Variants in SORCS2 observed in about 807,000 individuals in gnomAD.
SORCS2 encodes the protein VPS10 domain-containing receptor SorCS2.
In SORCS2, 100 loss-of-function variants were observed where a neutral mutation model predicts 141.6. That is an observed-to-expected ratio of 0.71 (90% confidence interval 0.60 to 0.83). The LOEUF (loss-of-function observed/expected upper bound fraction) is 0.83, where lower values mean the gene tolerates loss of function less well. Ranked by LOEUF, SORCS2 falls within the 40% of genes least tolerant of loss-of-function variation. SORCS2 has a pLI of 0.00. For synonymous variants in SORCS2, 789 were observed against 676.9 expected (o/e 1.17, Z -2.57); for missense variants, 1,646 against 1,560.2 (o/e 1.05, Z -0.93).
chr4:7,640,867 C>CTT (rs1198159794), intron 4 of SORCS2, among the ~76,000 whole-genome samples: 1 of 152,062 alleles, frequency 6.6e-6, no homozygotes, highest in African/African-American at 2.4e-5. Context: ...GCACATGCCT[C>CTT]TTTCTCTCTC....
At chr4:7,308,545 A>C (rs1717981626) in intron 1 of SORCS2, among the ~76,000 whole-genome samples, 1 of 152,128 alleles carries the variant, frequency 6.6e-6, no homozygotes, top group African/African-American at 2.4e-5. Flanking sequence ...TACACTGAGC[A>C]CTGGTGGGTT....
At position 7,648,045 on chromosome 4, in the gene SORCS2, T is replaced by TG. The variant is rs1241475126; in HGVS notation, c.814-6085dup. 6.6e-6 allele frequency among the ~76,000 whole-genome samples: 1 copy of TG among 151,246 alleles called. No homozygotes were observed. The highest frequency in any genetic ancestry group is 1.5e-5 in the Non-Finnish European group (1 of 67,856). On this transcript the variant is annotated intron_variant, in intron 4 of 26. Transcript: ENST00000507866. The surrounding 1 kb of genome is among the most constrained non-coding windows in gnomAD (Gnocchi z 4.2). ...GAGCAGCCGAGGTGGAGTGGGGAAG[T>TG]GGGGTGGCCTGAGATGGAATGGGGT...
intron 3 of SORCS2, among the ~76,000 whole-genome samples, chr4:7,624,244 C>A (rs981815976): frequency 6.6e-6 from 1 of 152,126 alleles, no homozygotes; most frequent in African/African-American, 2.4e-5. Flanking sequence ...TGTAGCTTCC[C>A]CACCCAACTC....
At chr4:7,689,620 G>A (rs376326770) in intron 11 of SORCS2, 32 bp downstream of exon 11, 12 of 1,546,574 alleles carry the variant, frequency 7.8e-6, no homozygotes, top group Non-Finnish European at 9.6e-6. Flanking sequence ...TGGCTGGCAG[G>A]TGCCATTACA....
At chr4:7,731,690 C>T (rs1350768193) in intron 23 of SORCS2, among the ~76,000 whole-genome samples, 1 of 152,134 alleles carries the variant, frequency 6.6e-6, no homozygotes, top group Admixed American at 6.5e-5. Context: ...TTCAATAAAG[C>T]TGTCAAGAAG....
chr4:7,701,330 AT>A (rs901329886), intron 12 of SORCS2, among the ~76,000 whole-genome samples: 8 of 152,070 alleles, frequency 5.3e-5, no homozygotes, highest in Non-Finnish European at 4.4e-5. Flanking sequence ...ACCCTCCATC[AT>A]TTTTCATAAG....
chr4:7,740,380 C>CTGGTGTGGCGACG lies in SORCS2; in HGVS notation c.*116_*117insTGGTGTGGCGACG. 1.1e-6 allele frequency: 1 copy of CTGGTGTGGCGACG among 930,140 alleles called. No individual in the cohort carries two copies. The highest frequency in any genetic ancestry group is 1.7e-6 in the Non-Finnish European group (1 of 601,326). The allele number at this position is 930,140 out of a possible 1,614,324, so 57.6% of individuals were successfully genotyped here. A position where few individuals can be genotyped will look rare whatever the true frequency, so the allele number is the denominator to read the frequency against. On this transcript the variant is annotated 3_prime_UTR_variant, in exon 27 of 27. Coordinates refer to ENST00000507866, the MANE Select transcript of SORCS2 (RefSeq NM_020777.3). ...GAAAGCCCCCTCCCTGAGTCGTCGC[C>CTGGTGTGGCGACG]ACACCAGGCGACAGGCACCACCCCC...
chr4:7,597,411 A>G (rs1717346787), intron 3 of SORCS2, among the ~76,000 whole-genome samples: 1 of 145,810 alleles, frequency 6.9e-6, no homozygotes, highest in South Asian at 2.3e-4. Flanking sequence ...GGGCTGTTGC[A>G]ATAGGAGAGG....
intron 1 of SORCS2, among the ~76,000 whole-genome samples, chr4:7,227,923 C>G (rs115642535): frequency 0.019 from 2,835 of 152,258 alleles, 96 homozygotes; most frequent in African/African-American, 0.065. Flanking sequence ...CCTGCTTTCT[C>G]CTTCTCTGGG....
chr4:7,469,843 T>C (rs1729861466), intron 2 of SORCS2, among the ~76,000 whole-genome samples: 1 of 152,194 alleles, frequency 6.6e-6, no homozygotes, highest in African/African-American at 2.4e-5. Context: ...TGGCATCTCA[T>C]GGGGAGGCGA....
intron 7 of SORCS2, 54 bp from the exon 8 acceptor site, chr4:7,667,070 T>G: frequency 1.4e-6 from 2 of 1,468,624 alleles, no homozygotes; most frequent in Non-Finnish European, 1.9e-6. Context: ...TTCATGAGAC[T>G]GTGGCTGGAG....
chr4:7,604,066 C>T lies in SORCS2; in HGVS notation c.649-34262C>T, dbSNP rs75017185. The stretch of plus-strand genomic sequence containing the variant: ...GTGTGTGTGACTGCTGTGTGTGTGT[C>T]GTGTGAGGCTCTGGTGTGTGTGTGT... On this transcript the variant is annotated intron_variant, in intron 3 of 26. Transcript: ENST00000507866. Among the ~76,000 whole-genome samples, 948 of 151,924 alleles carry T rather than the reference C, an allele frequency of 6.2e-3. 14 individuals are homozygous for T. The highest frequency in any genetic ancestry group is 0.022 in the African/African-American group (901 of 41,416).
At chr4:7,453,201 T>C (rs1728599818) in intron 2 of SORCS2, among the ~76,000 whole-genome samples, 2 of 135,598 alleles carry the variant, frequency 1.5e-5, no homozygotes, top group Non-Finnish European at 3.1e-5. Flanking sequence ...AGGCTCCGTG[T>C]TGGGGTCAGG....
intron 1 of SORCS2, among the ~76,000 whole-genome samples, chr4:7,209,879 C>T (rs761506901): frequency 2.0e-5 from 3 of 152,162 alleles, no homozygotes; most frequent in African/African-American, 7.2e-5. Context: ...GTTCTTGGAG[C>T]GACTCACGTA....
chr4:7,702,299 G>A (rs577645727), intron 12 of SORCS2, among the ~76,000 whole-genome samples: 1 of 152,340 alleles, frequency 6.6e-6, no homozygotes, highest in Admixed American at 6.5e-5. Flanking sequence ...AGGGCGATGT[G>A]TTGGAGATGG....
At chr4:7,575,407 T>C (rs185468930) in intron 3 of SORCS2, among the ~76,000 whole-genome samples, 3 of 152,346 alleles carry the variant, frequency 2.0e-5, no homozygotes, top group African/African-American at 7.2e-5. Flanking sequence ...TACTAAGCCT[T>C]TGAAATCCAG....
At chr4:7,320,626 C>G (rs1449237768) in intron 1 of SORCS2, among the ~76,000 whole-genome samples, 1 of 152,210 alleles carries the variant, frequency 6.6e-6, no homozygotes, top group Non-Finnish European at 1.5e-5. Context: ...GAGGCTGTTT[C>G]CCAGTGGAAG....
At chr4:7,253,859 C>T (rs1415468236) in intron 1 of SORCS2, among the ~76,000 whole-genome samples, 1 of 152,198 alleles carries the variant, frequency 6.6e-6, no homozygotes, top group East Asian at 1.9e-4. Context: ...CAGCTAGGTG[C>T]TGGTTCCTTG....
chr4:7,417,003 C>T (rs1233492989), intron 2 of SORCS2, among the ~76,000 whole-genome samples: 2 of 152,188 alleles, frequency 1.3e-5, no homozygotes, highest in Admixed American at 1.3e-4. Context: ...AAGAGCAGAG[C>T]GGGGTCTCCT....
Sources: gnomAD v4.1 joint callset for allele counts (sites outside exome capture counted in the v4.1 genomes callset) on GRCh38, gnomAD v4.1.1 for gene constraint, Gnocchi (gnomAD v3.1) non-coding constraint, MANE v1.5 for transcripts, NCBI Gene and HGNC (gene_info 2026-07-23, HGNC 2026-07-21) for gene names.